Variants in BTRC observed in about 807,000 individuals in gnomAD.
BTRC encodes the protein F-box/WD repeat-containing protein 1A.
A neutral mutation model predicts 85.5 loss-of-function variants in BTRC; 42 were observed. The observed-to-expected ratio is 0.49, with a 90% CI of 0.38 to 0.64. The LOEUF is 0.64. Ranked by LOEUF, BTRC falls within the 30% of genes least tolerant of loss-of-function variation. The probability of loss-of-function intolerance (pLI) is 0.00; values close to 1 mark genes in which losing one functional copy is unlikely to be tolerated. For synonymous variants in BTRC, 255 were observed against 263.3 expected (o/e 0.97, Z 0.30); for missense variants, 594 against 743.5 (o/e 0.80, Z 2.34).
At chr10:101,412,332 T>C (rs1943802464) in intron 1 of BTRC, among the ~76,000 whole-genome samples, 1 of 152,228 alleles carries the variant, frequency 6.6e-6, no homozygotes, top group African/African-American at 2.4e-5. Context: ...TTCCCCTTTC[T>C]TGTGCAGCAG....
chr10:101,520,988 G>A lies in BTRC; in HGVS notation c.325-651G>A, dbSNP rs763395539. The stretch of plus-strand genomic sequence containing the variant: ...AAAACAAAAAAAAAGTTGTGATGAC[G>A]GAGCACAATAGCTCACACCTGTTAA... On this transcript the variant is annotated intron_variant, in intron 4 of 14. Coordinates refer to ENST00000370187, the MANE Select transcript of BTRC (RefSeq NM_033637.4). 4.7e-4 allele frequency among the ~76,000 whole-genome samples: 72 copies of A among 151,736 alleles called. 1 individual carries two copies. Among genetic ancestry groups the A allele is most frequent in the South Asian group, 3.8e-3 (18 of 4,796 alleles).
At chr10:101,476,367 A>G (rs1472089655) in intron 3 of BTRC, among the ~76,000 whole-genome samples, 5 of 152,220 alleles carry the variant, frequency 3.3e-5, no homozygotes, top group African/African-American at 1.2e-4. Context: ...TACTTTATAT[A>G]GTACCAAGTT....
intron 3 of BTRC, among the ~76,000 whole-genome samples, chr10:101,474,909 C>G (rs1945636634): frequency 1.3e-5 from 2 of 152,174 alleles, no homozygotes. Context: ...GAGGGTTTAT[C>G]TGATACAAAC....
chr10:101,531,393 G>A (rs771355300), intron 7 of BTRC, 60 bp downstream of exon 7: 3 of 1,289,228 alleles, frequency 2.3e-6, no homozygotes, highest in Non-Finnish European at 3.3e-6. Flanking sequence ...GCATTCTTCA[G>A]TCACAGTATG....
At chr10:101,528,000 G>A (rs1210211553) in intron 6 of BTRC, among the ~76,000 whole-genome samples, 2 of 152,050 alleles carry the variant, frequency 1.3e-5, no homozygotes, top group African/African-American at 2.4e-5. Flanking sequence ...AAGAGTGCTG[G>A]GACCAGCCTT....
intron 1 of BTRC, among the ~76,000 whole-genome samples, chr10:101,398,396 G>A (rs544956523): frequency 6.6e-6 from 1 of 151,802 alleles, no homozygotes; most frequent in Non-Finnish European, 1.5e-5. Context: ...TCTGCCTTCC[G>A]GGTTCACACC....
intron 4 of BTRC, among the ~76,000 whole-genome samples, chr10:101,484,491 T>G (rs1945930288): frequency 6.6e-6 from 1 of 152,202 alleles, no homozygotes; most frequent in Non-Finnish European, 1.5e-5. Flanking sequence ...TGTCGGTAAT[T>G]AAGATCTACA....
At chr10:101,482,345 G>A (rs2134233577) in intron 4 of BTRC, among the ~76,000 whole-genome samples, 2 of 147,152 alleles carry the variant, frequency 1.4e-5, no homozygotes, top group Middle Eastern at 7.5e-3. Flanking sequence ...TTATTTACAT[G>A]TGTTTTGTGT....
intron 2 of BTRC, among the ~76,000 whole-genome samples, chr10:101,433,918 A>T (rs1008670200): frequency 1.3e-5 from 2 of 152,152 alleles, no homozygotes; most frequent in Non-Finnish European, 2.9e-5. Context: ...TATATGGCTT[A>T]TATCTATTGA....
chr10:101,514,930 G>A (rs1303759718), intron 4 of BTRC, among the ~76,000 whole-genome samples: 1 of 152,026 alleles, frequency 6.6e-6, no homozygotes, highest in Non-Finnish European at 1.5e-5. Flanking sequence ...TTTTCAAAGG[G>A]TTTTGTGGTT....
At chr10:101,481,561 T>TG (rs71472574) in intron 4 of BTRC, among the ~76,000 whole-genome samples, 54,778 of 147,366 alleles carry the variant, frequency 0.37, 10,923 homozygotes, top group Middle Eastern at 0.49. Flanking sequence ...TGATGTGGAG[T>TG]TTTTTTTTTT....
At chr10:101,545,674 A>G (rs2062547562) in intron 13 of BTRC, among the ~76,000 whole-genome samples, 1 of 152,210 alleles carries the variant, frequency 6.6e-6, no homozygotes, top group Non-Finnish European at 1.5e-5. Flanking sequence ...CAACCCTGCC[A>G]ACACTTTGAT....
chr10:101,354,474 C>G, intron 1 of BTRC: 1 of 505,716 alleles, frequency 2.0e-6, no homozygotes, highest in South Asian at 3.0e-5. Flanking sequence ...GGAGCTTAAT[C>G]GAGGAGGGGG....
At chr10:101,491,058 CAAA>C (rs10558650) in intron 4 of BTRC, among the ~76,000 whole-genome samples, 29 of 146,748 alleles carry the variant, frequency 2.0e-4, no homozygotes, top group Non-Finnish European at 2.0e-4. Context: ...GACTCTGTCT[CAAA>C]AAAAAAAAAA....
intron 10 of BTRC, among the ~76,000 whole-genome samples, 167 bp from the exon 11 acceptor site, chr10:101,535,187 A>G (rs952599439): frequency 2.0e-5 from 3 of 152,166 alleles, no homozygotes; most frequent in African/African-American, 7.2e-5. Flanking sequence ...GCCAACTGCA[A>G]ATTAGCCTCT....
chr10:101,357,350 A>G (rs1208511530), intron 1 of BTRC, among the ~76,000 whole-genome samples: 1 of 149,958 alleles, frequency 6.7e-6, no homozygotes, highest in Non-Finnish European at 1.5e-5. Flanking sequence ...CTGAGGCAGT[A>G]GAATCACTTG....
intron 1 of BTRC, among the ~76,000 whole-genome samples, chr10:101,420,479 G>A (rs1311141020): frequency 6.6e-6 from 1 of 151,834 alleles, no homozygotes; most frequent in Non-Finnish European, 1.5e-5. Context: ...GCCTTCTTCT[G>A]CCGACATGGG....
chr10:101,525,883 T>G (rs2062183701), intron 5 of BTRC, 130 bp from the exon 6 acceptor site: 2 of 806,320 alleles, frequency 2.5e-6, no homozygotes, highest in East Asian at 2.8e-5. Context: ...AAAAAGAAAC[T>G]GGACCACACT....
In BTRC at chr10:101,377,528, G is replaced by T. The variant is rs538977932; in HGVS notation, c.48+23300G>T. Among the ~76,000 whole-genome samples the T allele has an allele frequency of 2.6e-5, 4 of 152,250 alleles. No homozygotes were observed. In the South Asian group the frequency reaches 8.3e-4, roughly 32 times the overall value. Reference sequence around the variant, plus strand: ...TGAGAGTTCTAGTTGATCTACATCCGTGTCAGCATTTGGGATTATCAGTAT... The same window carrying T: ...TGAGAGTTCTAGTTGATCTACATCCTTGTCAGCATTTGGGATTATCAGTAT... On this transcript the variant is annotated intron_variant, in intron 1 of 14. Transcript: ENST00000370187.
Sources: gnomAD v4.1 joint callset for allele counts (sites outside exome capture counted in the v4.1 genomes callset) on GRCh38, gnomAD v4.1.1 for gene constraint, MANE v1.5 for transcripts, NCBI Gene and HGNC (gene_info 2026-07-23, HGNC 2026-07-21) for gene names.